VAMP7: variants seen among roughly 807,000 people sequenced by gnomAD.
The protein encoded by VAMP7 is vesicle associated membrane protein 7.
A neutral mutation model predicts 29.6 loss-of-function variants in VAMP7; 14 were observed. The observed-to-expected ratio is 0.47, with a 90% CI of 0.31 to 0.74. The LOEUF (loss-of-function observed/expected upper bound fraction) is 0.74. Among genes scored for constraint, VAMP7 ranks in the 30% least tolerant of loss-of-function variants. The pLI, the probability that VAMP7 is intolerant of heterozygous loss-of-function variation, is 0.05. For missense variants in VAMP7, 223 were observed against 262.4 expected (o/e 0.85, Z 1.04); for synonymous variants, 95 against 88.1 (o/e 1.08, Z -0.44).
At chrX:155,894,307 T>G (rs1401320576) in intron 2 of VAMP7, among the ~76,000 whole-genome samples, 5 of 150,450 alleles carry the variant, frequency 3.3e-5, no homozygotes, top group Admixed American at 6.6e-5. Context: ...CTTTGTTTTT[T>G]TTTTTTTTTT....
At chrX:155,940,602 A>C (rs2066729344) in intron 7 of VAMP7, among the ~76,000 whole-genome samples, 1 of 152,224 alleles carries the variant, frequency 6.6e-6, no homozygotes, top group Non-Finnish European at 1.5e-5. Flanking sequence ...TGTTAAATTC[A>C]GAATATATTT....
intron 1 of VAMP7, among the ~76,000 whole-genome samples, chrX:155,887,580 T>C (rs768468883): frequency 6.6e-6 from 1 of 152,078 alleles, no homozygotes; most frequent in Non-Finnish European, 1.5e-5. Flanking sequence ...TTATAGTAAG[T>C]AGAAGAGTTG....
At chrX:155,940,628 C>A (rs1378850895) in intron 7 of VAMP7, among the ~76,000 whole-genome samples, 2 of 152,158 alleles carry the variant, frequency 1.3e-5, no homozygotes, top group Non-Finnish European at 1.5e-5. Flanking sequence ...TTACTTATTA[C>A]ATGCAGAGCA....
At chrX:155,919,759 T>C in intron 5 of VAMP7, 54 bp from the exon 6 acceptor site, 3 of 1,507,244 alleles carry the variant, frequency 2.0e-6, no homozygotes, top group South Asian at 2.3e-5. Context: ...AAAAAAAGTT[T>C]ATTTTATTCT....
intron 5 of VAMP7, among the ~76,000 whole-genome samples, chrX:155,911,792 A>G (rs2066241274): frequency 6.6e-6 from 1 of 152,138 alleles, no homozygotes; most frequent in African/African-American, 2.4e-5. Context: ...CATTACAGAT[A>G]TTTGTATGTT....
intron 6 of VAMP7, among the ~76,000 whole-genome samples, chrX:155,924,191 C>A (rs2066436738): frequency 6.6e-6 from 1 of 152,088 alleles, no homozygotes; most frequent in Non-Finnish European, 1.5e-5. Context: ...TTTAACACTT[C>A]TATTGAGAGA....
At chrX:155,920,783 C>A (rs1354947630) in intron 6 of VAMP7, among the ~76,000 whole-genome samples, 5 of 152,156 alleles carry the variant, frequency 3.3e-5, no homozygotes, top group Non-Finnish European at 7.3e-5. Context: ...AAGTGCCTAA[C>A]ACAGTATTTG....
intron 7 of VAMP7, among the ~76,000 whole-genome samples, chrX:155,940,499 G>T (rs2066728055): frequency 6.6e-6 from 1 of 152,090 alleles, no homozygotes; most frequent in South Asian, 2.1e-4. Context: ...CCTTGCTCAG[G>T]TTTCTCTTTC....
chrX:155,937,842 G>A (rs941400678), intron 6 of VAMP7, among the ~76,000 whole-genome samples: 7 of 152,030 alleles, frequency 4.6e-5, no homozygotes, highest in South Asian at 4.2e-4. Context: ...TCTGTTGATC[G>A]TATAAATTGA....
intron 2 of VAMP7, among the ~76,000 whole-genome samples, chrX:155,890,275 G>C (rs1014161638): frequency 1.3e-5 from 2 of 152,156 alleles, no homozygotes; most frequent in Non-Finnish European, 2.9e-5. Flanking sequence ...GCCATATTAA[G>C]AGCTTGGACT....
intron 7 of VAMP7, among the ~76,000 whole-genome samples, chrX:155,941,154 AAAAAAT>A (rs942531826): frequency 3.5e-5 from 5 of 144,162 alleles, no homozygotes; most frequent in African/African-American, 1.5e-4. Flanking sequence ...CTACAAAAAT[AAAAAAT>A]AAAAAATAAA....
At chrX:155,908,721 G>A (rs1457593570) in intron 5 of VAMP7, among the ~76,000 whole-genome samples, 1 of 152,088 alleles carries the variant, frequency 6.6e-6, no homozygotes, top group African/African-American at 2.4e-5. Flanking sequence ...ATTAATTCTT[G>A]AAATGTTTGG....
intron 1 of VAMP7, among the ~76,000 whole-genome samples, chrX:155,883,847 A>T (rs1415688034): frequency 1.3e-5 from 2 of 151,098 alleles, no homozygotes; most frequent in African/African-American, 4.9e-5. Flanking sequence ...AGTAGCTGGG[A>T]TTACAGGTGC....
At chrX:155,908,464 G>T (rs1238689187) in intron 5 of VAMP7, among the ~76,000 whole-genome samples, 1 of 152,190 alleles carries the variant, frequency 6.6e-6, no homozygotes, top group Non-Finnish European at 1.5e-5. Flanking sequence ...AGGCAGGGAG[G>T]TTGCAGTGAG....
In VAMP7 at chrX:155,942,149, T is replaced by A; in HGVS notation, c.*198T>A. 6.4e-7 allele frequency: 1 copy of A among 1,550,790 alleles called. No individual in the cohort carries two copies. Among genetic ancestry groups the A allele is most frequent in the Non-Finnish European group, 8.7e-7 (1 of 1,146,300 alleles). ...CAGTTTATTCCTGTGAACTTCAGAT[T>A]GAACCATTCATTGCAGCAGTAGCCT... On this transcript the variant is annotated 3_prime_UTR_variant, in exon 8 of 8. Coordinates refer to ENST00000286448, the MANE Select transcript of VAMP7 (RefSeq NM_005638.6).
chrX:155,908,152 G>A (rs1173058440), intron 5 of VAMP7, among the ~76,000 whole-genome samples: 7 of 152,222 alleles, frequency 4.6e-5, no homozygotes, highest in African/African-American at 7.2e-5. Flanking sequence ...CTTCCCAGAC[G>A]GGGTGGCGGC....
At chrX:155,893,005 G>A (rs759589241) in intron 2 of VAMP7, among the ~76,000 whole-genome samples, 3 of 151,734 alleles carry the variant, frequency 2.0e-5, no homozygotes, top group Non-Finnish European at 2.9e-5. Flanking sequence ...CGCCCGCCTC[G>A]GCCTCCCAAA....
chrX:155,926,775 CTT>C (rs975695418), intron 6 of VAMP7, among the ~76,000 whole-genome samples: 3 of 152,124 alleles, frequency 2.0e-5, no homozygotes, highest in Non-Finnish European at 4.4e-5. Flanking sequence ...TTATTTTTAT[CTT>C]TTGATTTAAA....
chrX:155,887,765 CA>C (rs111606304), intron 1 of VAMP7, among the ~76,000 whole-genome samples: 4,746 of 149,012 alleles, frequency 0.032, 228 homozygotes, highest in African/African-American at 0.11. Context: ...CCTGTCTGTA[CA>C]AAAAAAAATA....
Sources: gnomAD v4.1 joint callset for allele counts (sites outside exome capture counted in the v4.1 genomes callset) on GRCh38, gnomAD v4.1.1 for gene constraint, MANE v1.5 for transcripts, NCBI Gene and HGNC (gene_info 2026-07-23, HGNC 2026-07-21) for gene names.